Variants in CSMD3 observed in about 807,000 individuals in gnomAD.
The protein encoded by CSMD3 is CUB and Sushi multiple domains 3.
Under a neutral mutation model 435.2 loss-of-function variants are expected in CSMD3, and 177 were observed. The ratio of observed to expected loss-of-function variants is 0.41; its 90% CI spans 0.36 to 0.46. CSMD3 has a LOEUF of 0.46. CSMD3 is among the 20% of genes least tolerant of loss of function. The probability of loss-of-function intolerance (pLI) is 0.34; values close to 1 mark genes in which losing one functional copy is unlikely to be tolerated. For synonymous variants in CSMD3, 1,656 were observed against 1,520.5 expected (o/e 1.09, Z -2.07); for missense variants, 4,265 against 4,504.6 (o/e 0.95, Z 1.52).
chr8:112,610,724 G>A (rs960801018), intron 22 of CSMD3, among the ~76,000 whole-genome samples: 2 of 152,122 alleles, frequency 1.3e-5, no homozygotes, highest in Non-Finnish European at 2.9e-5. Flanking sequence ...CATGAGGAAA[G>A]TGTCTATGCC....
At chr8:112,291,749 A>T in intron 55 of CSMD3, 54 bp from the exon 56 acceptor site, 2 of 1,067,124 alleles carry the variant, frequency 1.9e-6, no homozygotes, top group Non-Finnish European at 2.9e-6. Flanking sequence ...ACATATACCT[A>T]TATAGATTTA....
intron 50 of CSMD3, among the ~76,000 whole-genome samples, chr8:112,307,268 G>A (rs1264390252): frequency 2.0e-5 from 3 of 151,836 alleles, no homozygotes; most frequent in African/African-American, 7.3e-5. Context: ...GACTACAGGT[G>A]CGTACCACCA....
At chr8:112,960,383 T>G (rs2084182588) in intron 7 of CSMD3, among the ~76,000 whole-genome samples, 1 of 151,784 alleles carries the variant, frequency 6.6e-6, no homozygotes, top group African/African-American at 2.4e-5. Flanking sequence ...GATTTACTAC[T>G]GTATTAATAA....
chr8:113,126,466 AATAAT>A (rs2091132632), intron 4 of CSMD3, among the ~76,000 whole-genome samples: 2 of 152,176 alleles, frequency 1.3e-5, no homozygotes, highest in African/African-American at 4.8e-5. Context: ...TATTTAAACA[AATAAT>A]ATAGTAATTG....
chr8:113,208,887 G>A lies in CSMD3; in HGVS notation c.515-34971C>T, dbSNP rs73701337. On this transcript the variant is annotated intron_variant, in intron 3 of 70. Coordinates refer to ENST00000297405, the MANE Select transcript of CSMD3 (RefSeq NM_198123.2). ...ATTTCCCTCTCTTTAAATAAATGTAGATATTGAAAATATCAATGAGAGCAA... is the reference window on the plus strand; with the variant it reads ...ATTTCCCTCTCTTTAAATAAATGTAAATATTGAAAATATCAATGAGAGCAA... Among the ~76,000 whole-genome samples the A allele has an allele frequency of 7.8e-3, 1,186 of 152,058 alleles. 19 individuals carry two copies. The highest frequency in any genetic ancestry group is 0.027 in the African/African-American group (1,126 of 41,506).
At chr8:113,376,245 G>A (rs935331499) in intron 1 of CSMD3, among the ~76,000 whole-genome samples, 10 of 152,038 alleles carry the variant, frequency 6.6e-5, no homozygotes, top group Admixed American at 4.6e-4. Context: ...AATAGCCTTT[G>A]AGGCATAAAA....
At chr8:112,713,139 C>T (rs534934830) in intron 13 of CSMD3, among the ~76,000 whole-genome samples, 1 of 152,036 alleles carries the variant, frequency 6.6e-6, no homozygotes, top group East Asian at 1.9e-4. Flanking sequence ...ACCTGAGAGC[C>T]ACATGGGGCA....
At chr8:112,985,437 G>A (rs973755626) in intron 6 of CSMD3, among the ~76,000 whole-genome samples, 3 of 151,744 alleles carry the variant, frequency 2.0e-5, no homozygotes, top group African/African-American at 7.3e-5. Flanking sequence ...ATCACTAAAG[G>A]ACATAAAGCA....
chr8:112,258,275 C>A (rs778485825), intron 61 of CSMD3, among the ~76,000 whole-genome samples: 5 of 152,128 alleles, frequency 3.3e-5, no homozygotes, highest in Admixed American at 6.5e-5. Flanking sequence ...CCAAATTTGA[C>A]AAATGGGATC....
rs1329825300 is a variant in CSMD3 at position 112,735,110 on chromosome 8, T to C, written c.1973-45060A>G. 3.9e-5 allele frequency among the ~76,000 whole-genome samples: 6 copies of C among 152,024 alleles called. No individual in the cohort carries two copies. In the East Asian group the frequency reaches 9.6e-4, roughly 24 times the overall value. On this transcript the variant is annotated intron_variant, in intron 13 of 70. Coordinates refer to ENST00000297405, the MANE Select transcript of CSMD3 (RefSeq NM_198123.2). ...TTGTTTGGATATTGGGACAAAAGTG[T>C]CCAACTCTGAGACAAATTCTTAAAT... is the stretch of plus-strand genomic sequence containing the variant.
At chr8:113,399,658 C>T (rs573706568) in intron 1 of CSMD3, among the ~76,000 whole-genome samples, 309 of 151,790 alleles carry the variant, frequency 2.0e-3, no homozygotes, top group African/African-American at 7.2e-3. Context: ...AGGGGAGGAT[C>T]GTGAGTGAAT....
At chr8:112,970,357 C>G (rs1198893779) in intron 7 of CSMD3, among the ~76,000 whole-genome samples, 2 of 139,174 alleles carry the variant, frequency 1.4e-5, no homozygotes, top group Admixed American at 7.9e-5. Context: ...GATCATGCCA[C>G]TGCACTCCAG....
At chr8:113,035,995 C>A (rs1176727987) in intron 5 of CSMD3, among the ~76,000 whole-genome samples, 1 of 151,750 alleles carries the variant, frequency 6.6e-6, no homozygotes, top group African/African-American at 2.4e-5. Flanking sequence ...AACAAATTTT[C>A]TTTAGGCCTC....
intron 22 of CSMD3, among the ~76,000 whole-genome samples, chr8:112,618,815 A>C (rs1299158991): frequency 1.3e-5 from 2 of 152,056 alleles, no homozygotes; most frequent in African/African-American, 4.8e-5. Flanking sequence ...ATATATTATA[A>C]AATATATTCA....
In CSMD3 at chr8:112,333,159, TATTG is replaced by T. The variant is rs930650096; in HGVS notation, c.7165+2166_7165+2169del. On this transcript the variant is annotated intron_variant, in intron 45 of 70. Transcript: ENST00000297405. The stretch of plus-strand genomic sequence containing the variant: ...ATGAATATCTGATCTGTTTTATTTT[TATTG>T]ATTGATTGATTGATTGATTTTGAGA... Among the ~76,000 whole-genome samples the T allele has an allele frequency of 9.2e-5, 14 of 152,210 alleles. No individual in the cohort carries two copies. The East Asian group carries it at 1.2e-3, about 13-fold the overall frequency.
chr8:113,420,552 A>G (rs2094604459), intron 1 of CSMD3, among the ~76,000 whole-genome samples: 1 of 152,150 alleles, frequency 6.6e-6, no homozygotes, highest in African/African-American at 2.4e-5. Flanking sequence ...TATGTCTACA[A>G]TTTTATTCCT....
chr8:112,692,045 C>T (rs1419905966), intron 13 of CSMD3, among the ~76,000 whole-genome samples: 2 of 152,050 alleles, frequency 1.3e-5, no homozygotes, highest in East Asian at 1.9e-4. Flanking sequence ...TCAAATCATT[C>T]GCCCTCCTTG....
intron 3 of CSMD3, among the ~76,000 whole-genome samples, chr8:113,262,838 G>A (rs1431098019): frequency 6.6e-6 from 1 of 152,022 alleles, no homozygotes; most frequent in Non-Finnish European, 1.5e-5. Context: ...AGCTGCCAAC[G>A]CCTGGACTGA....
At chr8:112,523,483 C>G (rs1013764638) in intron 27 of CSMD3, among the ~76,000 whole-genome samples, 1 of 151,796 alleles carries the variant, frequency 6.6e-6, no homozygotes, top group Non-Finnish European at 1.5e-5. Flanking sequence ...AGGTCATGGG[C>G]CAAATTTGGT....
Sources: allele counts gnomAD v4.1 joint callset (sites outside exome capture counted in the v4.1 genomes callset), GRCh38; gene constraint gnomAD v4.1.1; transcripts MANE v1.5; gene names NCBI Gene and HGNC (gene_info 2026-07-23, HGNC 2026-07-21).